ANTXR2: variants seen among roughly 807,000 people sequenced by gnomAD.
ANTXR2 encodes ANTXR cell adhesion molecule 2, also known as anthrax toxin receptor 2.
ANTXR2 carries 44 observed loss-of-function variants against 73.7 expected under a neutral mutation model. The observed-to-expected ratio is 0.60, with a 90% confidence interval of 0.47 to 0.77. The LOEUF is 0.77. Ranked by LOEUF, ANTXR2 falls within the 30% of genes least tolerant of loss-of-function variation. ANTXR2 has a pLI of 0.00. For synonymous variants in ANTXR2, 217 were observed against 205.9 expected, an observed-to-expected ratio of 1.05 and a Z score of -0.46; for missense variants, 604 against 592.5, an observed-to-expected ratio of 1.02 and a Z score of -0.20.
intron 12 of ANTXR2, among the ~76,000 whole-genome samples, chr4:79,989,162 A>G (rs1242611140): frequency 6.6e-6 from 1 of 152,018 alleles, no homozygotes; most frequent in Admixed American, 6.6e-5. Flanking sequence ...AACTGAAGGA[A>G]ACTGAGATAT....
intron 16 of ANTXR2, among the ~76,000 whole-genome samples, chr4:79,966,131 C>G (rs1411938428): frequency 1.5e-5 from 1 of 67,954 alleles, no homozygotes; most frequent in Non-Finnish European, 5.0e-5. Context: ...GACTTAGACA[C>G]ACACACACAC....
At chr4:80,012,387 G>A (rs1731629601) in intron 11 of ANTXR2, among the ~76,000 whole-genome samples, 1 of 151,112 alleles carries the variant, frequency 6.6e-6, no homozygotes. Context: ...ATCAAAAGAA[G>A]AATATGTTAC....
intron 12 of ANTXR2, among the ~76,000 whole-genome samples, chr4:80,000,778 T>C (rs532657157): frequency 8.5e-5 from 13 of 152,214 alleles, no homozygotes; most frequent in African/African-American, 2.9e-4. Context: ...GTAAACGTCA[T>C]AGTTTCACAG....
chr4:79,933,638 T>C (rs1019849826), intron 16 of ANTXR2, among the ~76,000 whole-genome samples: 4 of 151,860 alleles, frequency 2.6e-5, no homozygotes, highest in Non-Finnish European at 5.9e-5. Flanking sequence ...GCCATGTTGG[T>C]GTGCTGCACC....
At position 79,925,752 on chromosome 4, in the gene ANTXR2, C is replaced by A. The variant is rs978476416; in HGVS notation, c.1429-18285G>T. On this transcript the variant is annotated intron_variant, in intron 16 of 16. Transcript: ENST00000403729. ...AGTGAATAAATTAATTAGCAGTAAC[C>A]ACTGAGTACTATCAGTGTAACAATG... Among the ~76,000 whole-genome samples, 11 of 152,034 alleles carry A rather than the reference C, an allele frequency of 7.2e-5. 1 individual carries two copies. Among genetic ancestry groups the A allele is most frequent in the Admixed American group, 2.0e-4 (3 of 15,258 alleles).
intron 7 of ANTXR2, among the ~76,000 whole-genome samples, chr4:80,050,458 C>G (rs936293987): frequency 1.3e-5 from 2 of 151,572 alleles, no homozygotes; most frequent in Non-Finnish European, 3.0e-5. Flanking sequence ...ATCAGGAGCC[C>G]CATCATTAGC....
At chr4:79,964,306 CAAA>C (rs1729263503) in intron 16 of ANTXR2, among the ~76,000 whole-genome samples, 3 of 152,152 alleles carry the variant, frequency 2.0e-5, no homozygotes, top group Admixed American at 2.0e-4. Flanking sequence ...TCTCTCTTTT[CAAA>C]TCAAAAAGGA....
intron 3 of ANTXR2, among the ~76,000 whole-genome samples, chr4:80,063,034 T>G (rs1370531347): frequency 2.6e-5 from 4 of 151,692 alleles, no homozygotes; most frequent in Non-Finnish European, 5.9e-5. Context: ...TGAGAAAAAA[T>G]TAAAAGGTAG....
chr4:79,911,642 A>G lies in ANTXR2; in HGVS notation c.1429-4175T>C, dbSNP rs995964120. On this transcript the variant is annotated intron_variant, in intron 16 of 16. Coordinates refer to ENST00000403729, the MANE Select transcript of ANTXR2 (RefSeq NM_058172.6). ...AAGAGTTAAAATGAATGAATGTATA[A>G]TATTATGCCTGTATTTCACAAAGTA... Among the ~76,000 whole-genome samples the G allele has an allele frequency of 3.9e-5, 6 of 152,116 alleles. No individual in the cohort carries two copies. The East Asian group carries it at 9.6e-4, about 24-fold the overall frequency.
At chr4:80,069,118 T>C (rs1734660460) in intron 3 of ANTXR2, among the ~76,000 whole-genome samples, 2 of 152,346 alleles carry the variant, frequency 1.3e-5, no homozygotes, top group East Asian at 3.9e-4. Context: ...TTGATTAATA[T>C]ATTATATCTA....
rs145493627 is a variant in ANTXR2, at chr4:80,040,874, C to G, written c.637-4842G>C. Among the ~76,000 whole-genome samples the G allele has an allele frequency of 3.8e-3, 581 of 151,924 alleles. 2 individuals are homozygous for G. Among genetic ancestry groups the G allele is most frequent in the African/African-American group, 0.013 (544 of 41,432 alleles). On this transcript the variant is annotated intron_variant, in intron 7 of 16. Transcript: ENST00000403729. ...TAATATTAGTATTAAGGAGTATTTA[C>G]AAATAAAAAAATTATATACCTTATT...
chr4:80,038,257 TAAG>T (rs1482451674), intron 7 of ANTXR2, among the ~76,000 whole-genome samples: 1 of 152,182 alleles, frequency 6.6e-6, no homozygotes, highest in African/African-American at 2.4e-5. Context: ...GCACTGACCA[TAAG>T]TCAATCAGAT....
In ANTXR2 at chr4:79,993,760, G is replaced by GCACACACACACACA. The variant is rs1553931141; in HGVS notation, c.1042-8911_1042-8898dup. On this transcript the variant is annotated intron_variant, in intron 12 of 16. Transcript: ENST00000403729. ...GGCAATACACCACACACACACACAC[G>GCACACACACACACA]CACACACACACACACACACACACAT... Among the ~76,000 whole-genome samples the GCACACACACACACA allele has an allele frequency of 5.4e-3, 766 of 140,752 alleles. 8 individuals are homozygous for GCACACACACACACA. Among genetic ancestry groups the GCACACACACACACA allele is most frequent in the African/African-American group, 0.013 (503 of 39,060 alleles). 92.3% of individuals were successfully genotyped at this position (140,752 alleles called of 152,430 possible). A position where few individuals can be genotyped will look rare whatever the true frequency, so the allele number is the denominator to read the frequency against.
At chr4:79,993,854 A>ATATATATAT (rs1730603050) in intron 12 of ANTXR2, among the ~76,000 whole-genome samples, 1 of 151,608 alleles carries the variant, frequency 6.6e-6, no homozygotes, top group South Asian at 2.1e-4. Flanking sequence ...ATATCTACTG[A>ATATATATAT]GTCTACCAAT....
At position 80,072,790 on chromosome 4, in the gene ANTXR2, T is replaced by G. The variant is rs1041200733; in HGVS notation, c.-230A>C. On this transcript the variant is annotated 5_prime_UTR_variant, in exon 1 of 17. Coordinates refer to ENST00000403729, the MANE Select transcript of ANTXR2 (RefSeq NM_058172.6). ...CCGCCGCAGCTGCCGCCGGAACTCT[T>G]GACGAATCCCAGTGGAAGCGCGATC... 5.8e-6 allele frequency: 6 copies of G among 1,033,392 alleles called. No individual in the cohort carries two copies. Among genetic ancestry groups the G allele is most frequent in the Non-Finnish European group, 4.9e-6 (4 of 821,186 alleles). 64.0% of individuals were successfully genotyped at this position (1,033,392 alleles called of 1,614,324 possible).
intron 10 of ANTXR2, chr4:80,024,699 G>A (rs954035260): frequency 2.2e-6 from 1 of 453,926 alleles, no homozygotes; most frequent in Non-Finnish European, 4.4e-6. Flanking sequence ...AAGGCCAAAA[G>A]TACAGTGAGT....
intron 10 of ANTXR2, among the ~76,000 whole-genome samples, chr4:80,027,493 C>T (rs146169328): frequency 6.6e-6 from 1 of 152,260 alleles, no homozygotes; most frequent in African/African-American, 2.4e-5. Flanking sequence ...CCCACCACTT[C>T]TTTCTCAAAA....
At chr4:80,052,418 A>C (rs1733812895) in intron 7 of ANTXR2, among the ~76,000 whole-genome samples, 1 of 151,660 alleles carries the variant, frequency 6.6e-6, no homozygotes. Flanking sequence ...TAATTTCTAC[A>C]AAGTGGGCAA....
chr4:80,019,599 T>G (rs891105040), intron 10 of ANTXR2, among the ~76,000 whole-genome samples: 3 of 152,186 alleles, frequency 2.0e-5, no homozygotes, highest in African/African-American at 7.2e-5. Context: ...TTAGATCCCA[T>G]TTAGCCTATT....
Sources: allele counts gnomAD v4.1 joint callset (sites outside exome capture counted in the v4.1 genomes callset), GRCh38; gene constraint gnomAD v4.1.1; transcripts MANE v1.5; gene names NCBI Gene and HGNC (gene_info 2026-07-23, HGNC 2026-07-21).